IMMP2L: variants seen among roughly 807,000 people sequenced by gnomAD.
The protein encoded by IMMP2L is inner mitochondrial membrane peptidase subunit 2.
Under a neutral mutation model 19.3 loss-of-function variants are expected in IMMP2L, and 18 were observed. The observed-to-expected ratio is 0.93, with a 90% CI of 0.64 to 1.38. The LOEUF (loss-of-function observed/expected upper bound fraction) is 1.38. Among genes scored for constraint, IMMP2L ranks in the 40% most tolerant of loss-of-function variants. The pLI is 0.00. For synonymous variants in IMMP2L, 76 were observed against 73.0 expected (o/e 1.04, Z -0.21); for missense variants, 233 against 218.2 (o/e 1.07, Z -0.43).
intron 5 of IMMP2L, among the ~76,000 whole-genome samples, chr7:110,693,861 T>C (rs1411467976): frequency 6.6e-6 from 1 of 152,106 alleles, no homozygotes; most frequent in Non-Finnish European, 1.5e-5. Context: ...TAATAAAAGG[T>C]CAAGCTAGTC....
At chr7:111,289,843 G>A (rs1786390755) in intron 3 of IMMP2L, among the ~76,000 whole-genome samples, 1 of 151,752 alleles carries the variant, frequency 6.6e-6, no homozygotes, top group African/African-American at 2.4e-5. Flanking sequence ...TGTGTTTTAA[G>A]CCTTCTGTGA....
intron 5 of IMMP2L, among the ~76,000 whole-genome samples, chr7:110,793,456 C>T (rs1800619310): frequency 7.0e-6 from 1 of 143,008 alleles, no homozygotes; most frequent in South Asian, 2.3e-4. Context: ...AACAAAACAA[C>T]TTAAAAGAAG....
At chr7:110,963,473 A>G (rs1819183389) in intron 4 of IMMP2L, 27 bp downstream of exon 4, 7 of 1,491,536 alleles carry the variant, frequency 4.7e-6, no homozygotes, top group Non-Finnish European at 6.5e-6. Flanking sequence ...TTAAAACTTG[A>G]ACTCAGAAAC....
intron 4 of IMMP2L, among the ~76,000 whole-genome samples, chr7:110,957,070 C>A (rs1373741569): frequency 6.6e-6 from 1 of 151,916 alleles, no homozygotes; most frequent in African/African-American, 2.4e-5. Context: ...GATAAGCATA[C>A]CCATTTGGGT....
intron 3 of IMMP2L, among the ~76,000 whole-genome samples, chr7:111,471,043 A>C (rs538481239): frequency 6.6e-6 from 1 of 152,172 alleles, no homozygotes. Context: ...CTAAGAGATG[A>C]AGAAACATTT....
chr7:110,794,834 T>C (rs1800752495), intron 5 of IMMP2L, among the ~76,000 whole-genome samples: 1 of 152,074 alleles, frequency 6.6e-6, no homozygotes, highest in Non-Finnish European at 1.5e-5. Flanking sequence ...AACGAATACA[T>C]ATATTCATTA....
chr7:110,736,973 A>G lies in IMMP2L; in HGVS notation c.409-73252T>C, dbSNP rs545209676. Among the ~76,000 whole-genome samples, 20 of 152,218 alleles carry G rather than the reference A, an allele frequency of 1.3e-4. No homozygotes were observed. The South Asian group carries it at 3.3e-3, about 25-fold the overall frequency. On this transcript the variant is annotated intron_variant, in intron 5 of 5. Coordinates refer to ENST00000405709, the MANE Select transcript of IMMP2L (RefSeq NM_032549.4). ...GTGAGAAGGTCATGAATTTTGGGGG[A>G]TCAGGGGCGGAATGCTACGGTTTGA...
At chr7:111,177,469 T>C (rs1272274810) in intron 3 of IMMP2L, among the ~76,000 whole-genome samples, 1 of 152,022 alleles carries the variant, frequency 6.6e-6, no homozygotes. Flanking sequence ...GCATTAGCCA[T>C]TGTGCCCGGG....
intron 3 of IMMP2L, among the ~76,000 whole-genome samples, chr7:111,319,440 G>C (rs1824447882): frequency 6.6e-6 from 1 of 152,050 alleles, no homozygotes; most frequent in Admixed American, 6.6e-5. Flanking sequence ...TAGTTTAGCA[G>C]ATCTAAGTAG....
intron 3 of IMMP2L, among the ~76,000 whole-genome samples, chr7:111,086,460 ATT>A (rs1385492337): frequency 6.6e-6 from 1 of 151,456 alleles, no homozygotes; most frequent in East Asian, 1.9e-4. Flanking sequence ...AGAAAAAAAA[ATT>A]AAAATTAAAA....
At chr7:110,886,838 G>A in intron 4 of IMMP2L, 143 bp from the exon 5 acceptor site, 1 of 495,524 alleles carries the variant, frequency 2.0e-6, no homozygotes, top group Non-Finnish European at 3.7e-6. Context: ...TCATTTTTAA[G>A]GAAGATGTGG....
chr7:110,991,294 G>A lies in IMMP2L; in HGVS notation c.240-27729C>T, dbSNP rs1479189045. Among the ~76,000 whole-genome samples the A allele has an allele frequency of 2.6e-5, 4 of 152,006 alleles. 1 individual carries two copies. The highest frequency in any genetic ancestry group is 7.2e-5 in the African/African-American group (3 of 41,396). On this transcript the variant is annotated intron_variant, in intron 3 of 5. Transcript: ENST00000405709. The stretch of plus-strand genomic sequence containing the variant: ...AGGTCAAAACAGGACTACGTATAGC[G>A]TGGCTTACTCTAAATGTTTATATTT...
At position 110,741,197 on chromosome 7, in the gene IMMP2L, T is replaced by A. The variant is rs1037087339; in HGVS notation, c.409-77476A>T. Among the ~76,000 whole-genome samples the A allele has an allele frequency of 2.0e-5, 3 of 152,134 alleles. No homozygotes were observed. The South Asian group carries it at 6.2e-4, about 31-fold the overall frequency. ...GGCATTTGCAGCAACCTGGATAAAC[T>A]TTGAAACTATTATTCTAAGTAATTC... On this transcript the variant is annotated intron_variant, in intron 5 of 5. Coordinates refer to ENST00000405709, the MANE Select transcript of IMMP2L (RefSeq NM_032549.4).
At chr7:111,318,783 T>A (rs1563053360) in intron 3 of IMMP2L, among the ~76,000 whole-genome samples, 1 of 152,154 alleles carries the variant, frequency 6.6e-6, no homozygotes, top group Admixed American at 6.6e-5. Flanking sequence ...GATACTAAAT[T>A]AGGACTATTA....
chr7:110,831,212 C>G (rs1432529217), intron 5 of IMMP2L, among the ~76,000 whole-genome samples: 1 of 152,126 alleles, frequency 6.6e-6, no homozygotes, highest in Non-Finnish European at 1.5e-5. Flanking sequence ...TTTCAAATCT[C>G]TCTACCTTCC....
intron 1 of IMMP2L, among the ~76,000 whole-genome samples, chr7:111,533,275 C>T (rs985119719): frequency 6.6e-6 from 1 of 152,132 alleles, no homozygotes; most frequent in African/African-American, 2.4e-5. Context: ...TTATTCTCCA[C>T]TCTTATATGC....
chr7:111,560,012 T>C (rs1024791908), intron 1 of IMMP2L, among the ~76,000 whole-genome samples: 6 of 129,672 alleles, frequency 4.6e-5, no homozygotes, highest in Non-Finnish European at 1.0e-4. Flanking sequence ...GTGAAATATA[T>C]ATATATAAAA....
chr7:111,363,810 C>G (rs937905696), intron 3 of IMMP2L, among the ~76,000 whole-genome samples: 1 of 152,076 alleles, frequency 6.6e-6, no homozygotes, highest in Non-Finnish European at 1.5e-5. Flanking sequence ...CATCTCCCAA[C>G]CACCTCCCAT....
intron 3 of IMMP2L, among the ~76,000 whole-genome samples, chr7:111,208,631 T>G (rs1038735174): frequency 1.3e-5 from 2 of 152,042 alleles, no homozygotes; most frequent in African/African-American, 2.4e-5. Flanking sequence ...ATAAAACAAA[T>G]GAAAACAAAT....
Sources: gnomAD v4.1 joint callset for allele counts (sites outside exome capture counted in the v4.1 genomes callset) on GRCh38, gnomAD v4.1.1 for gene constraint, MANE v1.5 for transcripts, NCBI Gene and HGNC (gene_info 2026-07-23, HGNC 2026-07-21) for gene names.